The following SLC31A1 variants were observed in gnomAD, a reference collection of about 807,000 sequenced individuals.
SLC31A1 encodes high affinity copper uptake protein 1.
Under a neutral mutation model 17.2 loss-of-function variants are expected in SLC31A1, and 5 were observed. That is an observed-to-expected ratio of 0.29 (90% CI 0.15 to 0.61). The LOEUF is 0.61. Among genes scored for constraint, SLC31A1 ranks in the 20% least tolerant of loss-of-function variants. The pLI, the probability that SLC31A1 is intolerant of heterozygous loss-of-function variation, is 0.86. For synonymous variants in SLC31A1, 76 were observed against 78.8 expected, an observed-to-expected ratio of 0.96 and a Z score of 0.19; for missense variants, 161 against 241.4, an observed-to-expected ratio of 0.67 and a Z score of 2.21.
intron 1 of SLC31A1, among the ~76,000 whole-genome samples, chr9:113,232,267 A>G (rs1831409548): frequency 6.6e-6 from 1 of 152,188 alleles, no homozygotes. Flanking sequence ...CATTATTTCC[A>G]TTTCAAGATG....
intron 1 of SLC31A1, 111 bp from the exon 2 acceptor site, chr9:113,256,003 C>T: frequency 1.4e-6 from 1 of 724,374 alleles, no homozygotes; most frequent in Non-Finnish European, 2.2e-6. Flanking sequence ...CTGTGAATAG[C>T]CATTGCATTC....
At chr9:113,225,171 G>A (rs1218180198) in intron 1 of SLC31A1, among the ~76,000 whole-genome samples, 2 of 152,204 alleles carry the variant, frequency 1.3e-5, no homozygotes, top group Non-Finnish European at 2.9e-5. Context: ...CAGAAGTGTT[G>A]TTCCCATCAC....
At chr9:113,247,227 A>G (rs1831590944) in intron 1 of SLC31A1, among the ~76,000 whole-genome samples, 1 of 152,198 alleles carries the variant, frequency 6.6e-6, no homozygotes, top group Admixed American at 6.5e-5. Flanking sequence ...TCTTTGTTTA[A>G]TGTTTTCACA....
At chr9:113,236,378 T>G (rs1035261586) in intron 1 of SLC31A1, among the ~76,000 whole-genome samples, 1 of 152,026 alleles carries the variant, frequency 6.6e-6, no homozygotes, top group Admixed American at 6.6e-5. Context: ...TTGTTTGTTT[T>G]TTTGAGATGG....
rs902689026 is a variant in SLC31A1 at position 113,221,557 on chromosome 9, C to A, written c.-157C>A. The A allele has an allele frequency of 2.2e-6, 1 of 444,996 alleles. No homozygotes were observed. Among genetic ancestry groups the A allele is most frequent in the Non-Finnish European group, 4.2e-6 (1 of 238,566 alleles). The allele number at this position is 444,996 out of a possible 1,614,324, so 27.6% of individuals were successfully genotyped here. ...GGAGGGGGCGGGAAATCCTCGGCCT[C>A]GGTGGCGGTGGTGGACACGTCGAGC... On this transcript the variant is annotated 5_prime_UTR_variant, in exon 1 of 5. Transcript: ENST00000374212.
At chr9:113,233,687 C>T (rs915718093) in intron 1 of SLC31A1, among the ~76,000 whole-genome samples, 3 of 152,158 alleles carry the variant, frequency 2.0e-5, no homozygotes, top group African/African-American at 7.2e-5. Flanking sequence ...GTGGTCTGTG[C>T]AAATTTTATG....
chr9:113,250,366 A>C (rs201191803), intron 1 of SLC31A1, among the ~76,000 whole-genome samples: 25,367 of 146,908 alleles, frequency 0.17, 2,357 homozygotes, highest in Non-Finnish European at 0.23. Flanking sequence ...TGATGAGTTC[A>C]TGTCCTTTGT....
chr9:113,260,353 C>T lies in SLC31A1; in HGVS notation c.453C>T (p.Leu151=), dbSNP rs1831777497. 6.2e-7 allele frequency: 1 copy of T among 1,614,164 alleles called. No individual in the cohort carries two copies. Among genetic ancestry groups the T allele is most frequent in the African/African-American group, 1.3e-5 (1 of 75,054 alleles). Residue 151 remains leucine (L), a synonymous_variant, in exon 5 of 5, where the codon CTC becomes CTT. Transcript: ENST00000374212. ...IQVVISYFLM[L]IFMTYNGYLC... ...TGGTCATAAGCTACTTCCTCATGCT[C>T]ATCTTCATGACCTACAACGGGTACC...
rs1049547273 is a variant in SLC31A1, at chr9:113,260,726, G to A, written c.*253G>A. 3.9e-6 allele frequency: 2 copies of A among 517,690 alleles called. No homozygotes were observed. The highest frequency in any genetic ancestry group is 3.8e-5 in the African/African-American group (2 of 52,004). 32.1% of individuals were successfully genotyped at this position (517,690 alleles called of 1,614,324 possible). ...TCTCTTAAGGAGAAGCCACCCATGA[G>A]ATGTCTTTTCCTTCTCCATCATCTT... On this transcript the variant is annotated 3_prime_UTR_variant, in exon 5 of 5. Coordinates refer to ENST00000374212, the MANE Select transcript of SLC31A1 (RefSeq NM_001859.4).
chr9:113,241,604 C>T (rs1831522204), intron 1 of SLC31A1, among the ~76,000 whole-genome samples: 1 of 152,148 alleles, frequency 6.6e-6, no homozygotes, highest in African/African-American at 2.4e-5. Flanking sequence ...AATTAAGAGA[C>T]AGAACACTCA....
chr9:113,263,619 C>G lies in SLC31A1; in HGVS notation c.*3146C>G, dbSNP rs1030145846. 1.3e-5 allele frequency: 2 copies of G among 152,582 alleles called. No individual in the cohort carries two copies. The highest frequency in any genetic ancestry group is 4.8e-5 in the African/African-American group (2 of 41,442). The allele number at this position is 152,582 out of a possible 1,614,324, so 9.5% of individuals were successfully genotyped here. On this transcript the variant is annotated 3_prime_UTR_variant, in exon 5 of 5. Coordinates refer to ENST00000374212, the MANE Select transcript of SLC31A1 (RefSeq NM_001859.4). ...AGCCCTCCTGATGCAGTAGACAGTG[C>G]TATGCTGTGGATATAATACCAACCA... is the stretch of plus-strand genomic sequence containing the variant.
intron 1 of SLC31A1, among the ~76,000 whole-genome samples, chr9:113,251,251 C>T (rs1328758822): frequency 2.0e-5 from 3 of 152,014 alleles, no homozygotes; most frequent in Non-Finnish European, 4.4e-5. Context: ...GGTGAAACCT[C>T]ATCTCCACTA....
chr9:113,241,615 G>A (rs1374016672), intron 1 of SLC31A1, among the ~76,000 whole-genome samples: 1 of 152,148 alleles, frequency 6.6e-6, no homozygotes, highest in African/African-American at 2.4e-5. Context: ...AGAACACTCA[G>A]GTTTCAATTT....
chr9:113,233,266 TCTC>T (rs1831420174), intron 1 of SLC31A1, among the ~76,000 whole-genome samples: 1 of 152,172 alleles, frequency 6.6e-6, no homozygotes, highest in African/African-American at 2.4e-5. Context: ...AATGAGTAGA[TCTC>T]CTTGTGTATT....
chr9:113,237,180 T>TA (rs1831469068), intron 1 of SLC31A1, among the ~76,000 whole-genome samples: 1 of 152,154 alleles, frequency 6.6e-6, no homozygotes, highest in Non-Finnish European at 1.5e-5. Flanking sequence ...TAGAGCCACT[T>TA]AGAGGTAGAG....
chr9:113,229,424 T>C (rs1213702168), intron 1 of SLC31A1, among the ~76,000 whole-genome samples: 1 of 152,222 alleles, frequency 6.6e-6, no homozygotes, highest in Non-Finnish European at 1.5e-5. Context: ...TATTCTGCTT[T>C]TATTTCATTT....
chr9:113,238,805 G>A lies in SLC31A1; in HGVS notation c.-36+17127G>A, dbSNP rs1248653830. Among the ~76,000 whole-genome samples, 6 of 152,124 alleles carry A rather than the reference G, an allele frequency of 3.9e-5. No individual in the cohort carries two copies. In the South Asian group the frequency reaches 8.3e-4, roughly 21 times the overall value. ...AGTAAATAAAATCTGGAGTTCACAA[G>A]TCTTAGATTAATCACTAATGTTTTG... On this transcript the variant is annotated intron_variant, in intron 1 of 4. Coordinates refer to ENST00000374212, the MANE Select transcript of SLC31A1 (RefSeq NM_001859.4).
intron 1 of SLC31A1, among the ~76,000 whole-genome samples, chr9:113,230,604 G>A (rs935361423): frequency 2.6e-5 from 4 of 152,088 alleles, no homozygotes; most frequent in African/African-American, 9.7e-5. Context: ...TATTTATGGG[G>A]TACAGTGTGA....
At chr9:113,229,093 G>T (rs183916739) in intron 1 of SLC31A1, among the ~76,000 whole-genome samples, 48 of 152,298 alleles carry the variant, frequency 3.2e-4, no homozygotes, top group African/African-American at 1.1e-3. Context: ...TGATCCGCCC[G>T]CCATGGCCTC....
Sources: allele counts gnomAD v4.1 joint callset (sites outside exome capture counted in the v4.1 genomes callset), GRCh38; gene constraint gnomAD v4.1.1; transcripts MANE v1.5; gene names NCBI Gene and HGNC (gene_info 2026-07-23, HGNC 2026-07-21).